The following ADAMTSL1 variants were observed in gnomAD, a reference collection of about 807,000 sequenced individuals.
The protein encoded by ADAMTSL1 is ADAMTS like 1.
Under a neutral mutation model 201.8 loss-of-function variants are expected in ADAMTSL1, and 126 were observed. The ratio of observed to expected loss-of-function variants is 0.62; its 90% CI spans 0.54 to 0.72. The LOEUF is 0.72. Among genes scored for constraint, ADAMTSL1 ranks in the 30% least tolerant of loss-of-function variants. The pLI is 0.00. For synonymous variants in ADAMTSL1, 1,121 were observed against 903.4 expected (o/e 1.24, Z -4.32); for missense variants, 2,679 against 2,277.8 (o/e 1.18, Z -3.59).
At chr9:18,891,794 C>A (rs1829291417) in intron 25 of ADAMTSL1, among the ~76,000 whole-genome samples, 1 of 152,224 alleles carries the variant, frequency 6.6e-6, no homozygotes, top group Non-Finnish European at 1.5e-5. Context: ...GGAGGTGACA[C>A]GAATTTGGAT....
At chr9:18,078,254 C>T (rs893200256) in intron 1 of ADAMTSL1, among the ~76,000 whole-genome samples, 5 of 152,194 alleles carry the variant, frequency 3.3e-5, no homozygotes, top group East Asian at 3.9e-4. Flanking sequence ...CTTTTATAGT[C>T]GCGCAGTGGG....
intron 10 of ADAMTSL1, among the ~76,000 whole-genome samples, chr9:18,680,106 C>G (rs1045175459): frequency 6.6e-6 from 1 of 152,210 alleles, no homozygotes; most frequent in African/African-American, 2.4e-5. Context: ...TATAGAGCTT[C>G]ACGGTTTGCA....
intron 1 of ADAMTSL1, among the ~76,000 whole-genome samples, chr9:18,150,188 G>C (rs186130283): frequency 1.3e-5 from 2 of 152,128 alleles, no homozygotes; most frequent in East Asian, 1.9e-4. Flanking sequence ...TTATGAAAAA[G>C]ATTTCCAGGA....
At chr9:18,445,367 C>G (rs753989484) in intron 2 of ADAMTSL1, among the ~76,000 whole-genome samples, 1 of 152,090 alleles carries the variant, frequency 6.6e-6, no homozygotes, top group Admixed American at 6.5e-5. Context: ...TAAATTGAAC[C>G]TTGAACTTGA....
At chr9:17,958,306 G>A (rs544480933) in intron 1 of ADAMTSL1, among the ~76,000 whole-genome samples, 1 of 152,260 alleles carries the variant, frequency 6.6e-6, no homozygotes, top group South Asian at 2.1e-4. Flanking sequence ...GTTATAATGT[G>A]TCTTTCCACT....
chr9:18,875,539 C>G (rs1481331903), intron 23 of ADAMTSL1, among the ~76,000 whole-genome samples: 1 of 152,000 alleles, frequency 6.6e-6, no homozygotes, highest in Non-Finnish European at 1.5e-5. Flanking sequence ...AGGTTAATTA[C>G]CATGTATTTG....
chr9:18,726,383 T>TC, intron 15 of ADAMTSL1, among the ~76,000 whole-genome samples: 1 of 150,436 alleles, frequency 6.6e-6, no homozygotes, highest in East Asian at 2.0e-4. Context: ...TTGAGGGGGG[T>TC]GCCTGTAGTC....
intron 2 of ADAMTSL1, among the ~76,000 whole-genome samples, chr9:18,303,162 C>G (rs1833770181): frequency 6.6e-6 from 1 of 152,064 alleles, no homozygotes; most frequent in Admixed American, 6.5e-5. Context: ...TGCTGAATAC[C>G]AGGTTTGACA....
intron 3 of ADAMTSL1, among the ~76,000 whole-genome samples, chr9:18,548,330 C>G (rs77749558): frequency 6.6e-6 from 1 of 151,974 alleles, no homozygotes; most frequent in Non-Finnish European, 1.5e-5. Context: ...AAGTTTTTCA[C>G]GTTTATTTTT....
Position 18,721,657 on chromosome 9 carries a change from C to T in ADAMTSL1, c.1998C>T (p.Cys666=), listed in dbSNP as rs764548761. Reference sequence around the variant, plus strand: ...TGAAGTCCTGCAATTTGGATCCCTGCCCAGCAAGGTAAGGGATGTGTGGCC... The same window carrying T: ...TGAAGTCCTGCAATTTGGATCCCTGTCCAGCAAGGTAAGGGATGTGTGGCC... ...QLLKSCNLDP[C]PARWEIGKWS... Residue 666 remains cysteine (C), a synonymous_variant, in exon 15 of 29, where the codon TGC becomes TGT. Transcript: ENST00000380548. 2 of 1,613,790 alleles carry T rather than the reference C, an allele frequency of 1.2e-6. No individual in the cohort carries two copies. Among genetic ancestry groups the T allele is most frequent in the South Asian group, 1.1e-5 (1 of 91,056 alleles).
chr9:18,518,840 TG>T (rs1419107933), intron 2 of ADAMTSL1, among the ~76,000 whole-genome samples: 2 of 152,226 alleles, frequency 1.3e-5, no homozygotes, highest in Non-Finnish European at 2.9e-5. Flanking sequence ...TCCTGAGTGC[TG>T]GGATTACAGG....
chr9:18,052,394 C>G (rs748301091), intron 1 of ADAMTSL1, among the ~76,000 whole-genome samples: 19 of 152,172 alleles, frequency 1.2e-4, no homozygotes, highest in Non-Finnish European at 2.8e-4. Flanking sequence ...GACATTCAAG[C>G]TGAGCCTTAA....
chr9:18,862,261 C>T (rs190610869), intron 23 of ADAMTSL1, among the ~76,000 whole-genome samples: 14 of 152,272 alleles, frequency 9.2e-5, no homozygotes, highest in African/African-American at 3.4e-4. Context: ...GGCGTTATTT[C>T]TTTTGCAGAG....
At chr9:18,293,216 C>T (rs930530434) in intron 2 of ADAMTSL1, among the ~76,000 whole-genome samples, 1 of 152,202 alleles carries the variant, frequency 6.6e-6, no homozygotes, top group Non-Finnish European at 1.5e-5. Context: ...AATGGTGCTA[C>T]AGTGAACATG....
At chr9:18,512,171 G>T (rs1379040296) in intron 2 of ADAMTSL1, among the ~76,000 whole-genome samples, 2 of 152,014 alleles carry the variant, frequency 1.3e-5, no homozygotes, top group Non-Finnish European at 2.9e-5. Flanking sequence ...TTTACTTTTT[G>T]GGTTAAAGCC....
intron 1 of ADAMTSL1, among the ~76,000 whole-genome samples, chr9:18,120,157 T>G (rs1443012413): frequency 6.6e-6 from 1 of 152,196 alleles, no homozygotes; most frequent in African/African-American, 2.4e-5. Flanking sequence ...AAAACTTGAC[T>G]GGGCCACAGG....
chr9:18,469,387 G>A (rs1382411503), upstream of ADAMTSL1, among the ~76,000 whole-genome samples: 1 of 152,220 alleles, frequency 6.6e-6, no homozygotes, highest in Non-Finnish European at 1.5e-5. Context: ...GGGTATATCA[G>A]TTGGGATTCT....
chr9:18,818,453 A>G (rs749151778), intron 21 of ADAMTSL1, among the ~76,000 whole-genome samples: 16 of 152,326 alleles, frequency 1.1e-4, no homozygotes, highest in Non-Finnish European at 1.8e-4. Flanking sequence ...TTTCCGAATA[A>G]CAGCCAAGTC....
intron 1 of ADAMTSL1, among the ~76,000 whole-genome samples, chr9:18,089,094 G>A (rs1371020338): frequency 2.0e-5 from 3 of 152,184 alleles, no homozygotes; most frequent in Non-Finnish European, 2.9e-5. Flanking sequence ...GGAGGTCGCA[G>A]TGAGCCAAGA....
Sources: allele counts gnomAD v4.1 joint callset (sites outside exome capture counted in the v4.1 genomes callset), GRCh38; gene constraint gnomAD v4.1.1; transcripts MANE v1.5; gene names NCBI Gene and HGNC (gene_info 2026-07-23, HGNC 2026-07-21).